METTL15: variants seen among roughly 807,000 people sequenced by gnomAD.
METTL15 encodes methyltransferase 15, mitochondrial 12S rRNA N4-cytidine, also known as 12S rRNA N(4)-cytidine methyltransferase METTL15.
A neutral mutation model predicts 38.3 loss-of-function variants in METTL15; 34 were observed. That is an observed-to-expected ratio of 0.89 (90% CI 0.68 to 1.18). The LOEUF (loss-of-function observed/expected upper bound fraction) is 1.18. METTL15 is among the 50% of genes most tolerant of loss of function. The probability of loss-of-function intolerance (pLI) is 0.00; values close to 1 mark genes in which losing one functional copy is unlikely to be tolerated. For missense variants in METTL15, 438 were observed against 498.4 expected, an observed-to-expected ratio of 0.88 and a Z score of 1.15; for synonymous variants, 162 against 170.9, an observed-to-expected ratio of 0.95 and a Z score of 0.41.
At chr11:28,269,083 A>T (rs1855542985) in intron 4 of METTL15, among the ~76,000 whole-genome samples, 1 of 152,170 alleles carries the variant, frequency 6.6e-6, no homozygotes, top group South Asian at 2.1e-4. Flanking sequence ...TTCTATTTTT[A>T]TAACTTTATT....
At chr11:28,347,668 A>G (rs756062847) in intron 3 of METTL15, among the ~76,000 whole-genome samples, 7 of 152,174 alleles carry the variant, frequency 4.6e-5, no homozygotes, top group Non-Finnish European at 8.8e-5. Flanking sequence ...GCCCCAGCCC[A>G]TCTCCCTGGC....
At chr11:28,216,275 C>G (rs1852865792) in intron 4 of METTL15, among the ~76,000 whole-genome samples, 1 of 151,386 alleles carries the variant, frequency 6.6e-6, no homozygotes, top group African/African-American at 2.4e-5. Flanking sequence ...AATATTGATA[C>G]AAGAATAGGC....
chr11:28,381,174 A>T (rs1007727391), intron 5 of METTL15, among the ~76,000 whole-genome samples: 1 of 151,718 alleles, frequency 6.6e-6, no homozygotes, highest in African/African-American at 2.4e-5. Context: ...TTTATTTTTT[A>T]TTTTTGTACG....
chr11:28,466,150 C>T (rs961340353), intron 6 of METTL15, among the ~76,000 whole-genome samples: 43 of 151,488 alleles, frequency 2.8e-4, no homozygotes, highest in African/African-American at 4.8e-4. Context: ...GTTGGCCAAA[C>T]GCCATTTTGG....
chr11:28,522,025 G>T (rs1477732318), intron 6 of METTL15, among the ~76,000 whole-genome samples: 2 of 152,208 alleles, frequency 1.3e-5, no homozygotes, highest in African/African-American at 4.8e-5. Context: ...TAATACAGGT[G>T]TGTAGTAATG....
rs1012255740 is a variant in METTL15 at position 28,404,395 on chromosome 11, A to G, written c.*359-19904A>G. On this transcript the variant is annotated intron_variant and NMD_transcript_variant, in intron 5 of 7. Transcript: ENST00000532947. Reference sequence around the variant, plus strand: ...ACAGTTCTAGAGGCTGGGAAATCCAAGATCTAGGATCCAGCAGATTTGTTG... The same window carrying G: ...ACAGTTCTAGAGGCTGGGAAATCCAGGATCTAGGATCCAGCAGATTTGTTG... Among the ~76,000 whole-genome samples the G allele has an allele frequency of 8.5e-5, 13 of 152,106 alleles. 1 individual carries two copies. The South Asian group carries it at 2.1e-3, about 24-fold the overall frequency.
chr11:28,268,594 C>G (rs923311902), intron 4 of METTL15, among the ~76,000 whole-genome samples: 15 of 152,054 alleles, frequency 9.9e-5, no homozygotes, highest in African/African-American at 3.6e-4. Context: ...TCCTTCAGGG[C>G]TTTTTCAACT....
At chr11:28,122,624 T>C in intron 3 of METTL15, among the ~76,000 whole-genome samples, 1 of 151,570 alleles carries the variant, frequency 6.6e-6, no homozygotes. Context: ...ATAATTAGGT[T>C]TTCATATTCA....
chr11:28,497,413 C>T (rs1000951203), intron 6 of METTL15, among the ~76,000 whole-genome samples: 3 of 152,214 alleles, frequency 2.0e-5, no homozygotes, highest in Non-Finnish European at 4.4e-5. Context: ...TGACATTCTA[C>T]ACACTTTGAA....
At chr11:28,205,143 A>T (rs1006901040) in intron 3 of METTL15, among the ~76,000 whole-genome samples, 5 of 151,904 alleles carry the variant, frequency 3.3e-5, no homozygotes, top group Non-Finnish European at 5.9e-5. Flanking sequence ...TTTAGGGTAC[A>T]TGTGCACAAT....
At chr11:28,145,744 A>C (rs1298198254) in intron 3 of METTL15, 4 of 152,096 alleles carry the variant, frequency 2.6e-5, no homozygotes, top group Non-Finnish European at 5.9e-5. Flanking sequence ...GAGTTAGATA[A>C]ACTGTATAAT....
At chr11:28,205,835 A>C (rs1401957629) in intron 3 of METTL15, among the ~76,000 whole-genome samples, 2 of 148,748 alleles carry the variant, frequency 1.3e-5, no homozygotes, top group Non-Finnish European at 3.0e-5. Flanking sequence ...TGTGGTTTTG[A>C]TTTGCATTTC....
At chr11:28,324,074 G>A (rs1170719689) in intron 6 of METTL15, among the ~76,000 whole-genome samples, 2 of 152,152 alleles carry the variant, frequency 1.3e-5, no homozygotes, top group African/African-American at 4.8e-5. Context: ...CCCATTAAAT[G>A]TACATTAGCC....
intron 3 of METTL15, among the ~76,000 whole-genome samples, chr11:28,159,276 G>A (rs998442103): frequency 2.0e-5 from 3 of 152,188 alleles, no homozygotes; most frequent in South Asian, 2.1e-4. Flanking sequence ...ACGCCGCAAC[G>A]GAGGTAAGGA....
intron 4 of METTL15, among the ~76,000 whole-genome samples, chr11:28,218,300 G>A (rs1042267160): frequency 2.0e-5 from 3 of 152,072 alleles, no homozygotes; most frequent in African/African-American, 4.8e-5. Context: ...ATTCCTAGGT[G>A]TGTTATTCTC....
chr11:28,285,705 C>T (rs1856233198), intron 4 of METTL15, among the ~76,000 whole-genome samples: 1 of 152,178 alleles, frequency 6.6e-6, no homozygotes, highest in Non-Finnish European at 1.5e-5. Context: ...CCAAAATTGG[C>T]TGGCACTGTC....
At chr11:28,498,450 GCCTGGC>G (rs2133487658) in intron 6 of METTL15, among the ~76,000 whole-genome samples, 1 of 152,276 alleles carries the variant, frequency 6.6e-6, no homozygotes, top group East Asian at 1.9e-4. Flanking sequence ...GAGCCACCGT[GCCTGGC>G]CTCCAAATTC....
At chr11:28,212,028 A>G (rs1852662217) in intron 4 of METTL15, among the ~76,000 whole-genome samples, 1 of 152,038 alleles carries the variant, frequency 6.6e-6, no homozygotes, top group South Asian at 2.1e-4. Context: ...AGTTGTAGCT[A>G]TTCAACAACA....
intron 4 of METTL15, among the ~76,000 whole-genome samples, chr11:28,285,644 A>G (rs986716330): frequency 4.6e-5 from 7 of 152,176 alleles, no homozygotes; most frequent in Non-Finnish European, 7.3e-5. Flanking sequence ...GTGAGGCTCA[A>G]TTCAGTGGCC....
Sources: allele counts gnomAD v4.1 joint callset (sites outside exome capture counted in the v4.1 genomes callset), GRCh38; gene constraint gnomAD v4.1.1; transcripts MANE v1.5; gene names NCBI Gene and HGNC (gene_info 2026-07-23, HGNC 2026-07-21).